The following MAP1B variants were observed in gnomAD, a reference collection of about 807,000 sequenced individuals.
MAP1B encodes the protein microtubule-associated protein 1B.
MAP1B carries 12 observed loss-of-function variants against 176.1 expected under a neutral mutation model. That is an observed-to-expected ratio of 0.07 (90% CI 0.04 to 0.11). The LOEUF is 0.11. Ranked by LOEUF, MAP1B falls within the 10% of genes least tolerant of loss-of-function variation. The probability of loss-of-function intolerance (pLI) is 1.00; values close to 1 mark genes in which losing one functional copy is unlikely to be tolerated. For missense variants in MAP1B, 2,523 were observed against 2,990.5 expected (o/e 0.84, Z 3.65); for synonymous variants, 1,044 against 1,135.0 (o/e 0.92, Z 1.61).
At chr5:72,139,438 A>T (rs1745900830) in intron 2 of MAP1B, among the ~76,000 whole-genome samples, 1 of 152,144 alleles carries the variant, frequency 6.6e-6, no homozygotes. Context: ...CCAGGGCTGG[A>T]TCGTTATTCA....
At chr5:72,150,979 G>A (rs73123349) in intron 2 of MAP1B, among the ~76,000 whole-genome samples, 1,659 of 152,230 alleles carry the variant, frequency 0.011, 23 homozygotes, top group African/African-American at 0.038. Flanking sequence ...GGATAAATGG[G>A]GGTGTCTTGG....
rs150467659 is a variant in MAP1B, at chr5:72,197,106, G to A, written c.3751G>A (p.Val1251Ile). Residue 1251 changes from valine to isoleucine, a missense_variant, in exon 5 of 7, where the codon GTC becomes ATC. This residue lies in a region of MAP1B where 1,925 missense variants were observed against 2,126.0 expected (regional missense o/e 0.91). Coordinates refer to ENST00000296755, the MANE Select transcript of MAP1B (RefSeq NM_005909.5). The part of the protein sequence containing the change: ...DSISAVSSEK[V>I]SPSKSPSLSP... ...CATCTCAGCTGTTTCAAGTGAAAAG[G>A]TCAGCCCATCGAAGAGCCCGTCCCT... 1.2e-6 allele frequency: 2 copies of A among 1,614,078 alleles called. No individual in the cohort carries two copies. The highest frequency in any genetic ancestry group is 1.7e-6 in the Non-Finnish European group (2 of 1,180,052).
chr5:72,163,612 T>G (rs1211718063), intron 2 of MAP1B, among the ~76,000 whole-genome samples: 11 of 152,190 alleles, frequency 7.2e-5, no homozygotes, highest in Admixed American at 5.9e-4. Context: ...TGGTGTGGGA[T>G]AAAGTATGGA....
intron 2 of MAP1B, among the ~76,000 whole-genome samples, chr5:72,174,991 C>CTCCT (rs1340929410): frequency 1.5e-5 from 2 of 129,456 alleles, no homozygotes; most frequent in African/African-American, 5.8e-5. Context: ...CCTTCCCTCC[C>CTCCT]TCCTTCCTTC....
At position 72,206,259 on chromosome 5, in the gene MAP1B, T is replaced by C. The variant is rs1747444176; in HGVS notation, c.*1020T>C. 1 of 152,664 alleles carries C rather than the reference T, an allele frequency of 6.6e-6. No homozygotes were observed. The highest frequency in any genetic ancestry group is 1.9e-4 in the East Asian group (1 of 5,202). 9.5% of individuals were successfully genotyped at this position (152,664 alleles called of 1,614,324 possible). On this transcript the variant is annotated 3_prime_UTR_variant, in exon 7 of 7. Transcript: ENST00000296755. ...AGACAGCAAGTTTATAAAACATCCATATAGGATTATAGATACTTAAAGGAA... is the reference window on the plus strand; with the variant it reads ...AGACAGCAAGTTTATAAAACATCCACATAGGATTATAGATACTTAAAGGAA...
At chr5:72,175,958 GTTT>G (rs1580008222) in intron 2 of MAP1B, among the ~76,000 whole-genome samples, 1 of 152,290 alleles carries the variant, frequency 6.6e-6, no homozygotes, top group Admixed American at 6.5e-5. Flanking sequence ...CTGAACTTGA[GTTT>G]TTTTATTCTC....
In MAP1B at chr5:72,198,129, G is replaced by C; in HGVS notation, c.4774G>C (p.Val1592Leu). ...HSTEVDDSLS[V>L]SVVQTPTTFQ... The stretch of plus-strand genomic sequence containing the variant: ...CACAGAAGTAGATGACTCCCTTTCA[G>C]TGTCTGTTGTGCAAACACCTACCAC... Residue 1592 changes from valine (V) to leucine (L), a missense_variant, in exon 5 of 7, where the codon GTG (valine) becomes CTG (leucine). This residue lies in a region of MAP1B where 1,925 missense variants were observed against 2,126.0 expected (regional missense o/e 0.91). Coordinates refer to ENST00000296755, the MANE Select transcript of MAP1B (RefSeq NM_005909.5). 2.5e-6 allele frequency: 4 copies of C among 1,614,156 alleles called. No individual in the cohort carries two copies. Among genetic ancestry groups the C allele is most frequent in the Non-Finnish European group, 3.4e-6 (4 of 1,180,022 alleles).
chr5:72,193,240 G>A (rs753595194), intron 4 of MAP1B: 3 of 375,804 alleles, frequency 8.0e-6, no homozygotes, highest in South Asian at 3.7e-5. Context: ...CTCCTATGGG[G>A]AAAAACCCAC....
At chr5:72,193,703 T>C (rs748209831) in intron 4 of MAP1B, among the ~76,000 whole-genome samples, 163 bp from the exon 5 acceptor site, 2 of 152,152 alleles carry the variant, frequency 1.3e-5, no homozygotes, top group African/African-American at 4.8e-5. Flanking sequence ...TAGGGAAGTA[T>C]TTCAGCATTT....
At chr5:72,110,156 G>A (rs968048045) in intron 1 of MAP1B, among the ~76,000 whole-genome samples, 10 of 152,140 alleles carry the variant, frequency 6.6e-5, no homozygotes, top group Non-Finnish European at 1.3e-4. Flanking sequence ...TTCACAAAAC[G>A]GACACGCCTG....
At position 72,207,962 on chromosome 5, in the gene MAP1B, C is replaced by CTCT. The variant is rs1561321590; in HGVS notation, c.*2724_*2725insCTT. ...CTCCTCACTTTCTCTCTCTCTCTCT[C>CTCT]TTTTTTTTTTTTTTTTTTTTTGCTA... On this transcript the variant is annotated 3_prime_UTR_variant, in exon 7 of 7. Transcript: ENST00000296755. 4 of 116,002 alleles carry CTCT rather than the reference C, an allele frequency of 3.4e-5. No individual in the cohort carries two copies. Among genetic ancestry groups the CTCT allele is most frequent in the Non-Finnish European group, 5.1e-5 (3 of 58,400 alleles). The allele number at this position is 116,002 out of a possible 1,614,324, so 7.2% of individuals were successfully genotyped here.
In MAP1B at chr5:72,196,967, C is replaced by T; in HGVS notation, c.3612C>T (p.Ala1204=). The T allele has an allele frequency of 1.2e-6, 2 of 1,614,246 alleles. No homozygotes were observed. The highest frequency in any genetic ancestry group is 2.2e-5 in the East Asian group (1 of 44,890). The part of the protein sequence containing the change: ...ATDGKDYNAS[A]STISPPSSME... ...ATGGCAAGGATTACAATGCTTCAGC[C>T]TCTACCATATCACCACCCTCTTCCA... is the stretch of plus-strand genomic sequence containing the variant. The change falls in exon 5 of 7, where the codon GCC becomes GCT. Residue 1204 remains alanine, a synonymous_variant. Transcript: ENST00000296755. The surrounding 1 kb of genome is among the most constrained non-coding windows in gnomAD (Gnocchi z 5.3).
intron 2 of MAP1B, among the ~76,000 whole-genome samples, chr5:72,134,947 C>T (rs993898496): frequency 6.7e-6 from 1 of 149,052 alleles, no homozygotes; most frequent in Non-Finnish European, 1.5e-5. Flanking sequence ...GCTCTTAGTT[C>T]CCTTCCCATA....
intron 2 of MAP1B, among the ~76,000 whole-genome samples, chr5:72,163,755 CT>C: frequency 1.3e-5 from 2 of 152,210 alleles, no homozygotes; most frequent in Admixed American, 1.3e-4. Context: ...CATTATCTTG[CT>C]GTGTGACTTC....
At chr5:72,167,816 C>T (rs1303244091) in intron 2 of MAP1B, among the ~76,000 whole-genome samples, 1 of 152,160 alleles carries the variant, frequency 6.6e-6, no homozygotes, top group African/African-American at 2.4e-5. Context: ...TTCTTTAGAG[C>T]AGTTTTGTAG....
At chr5:72,151,944 T>C (rs1041939297) in intron 2 of MAP1B, among the ~76,000 whole-genome samples, 10 of 152,240 alleles carry the variant, frequency 6.6e-5, no homozygotes, top group Non-Finnish European at 1.5e-4. Flanking sequence ...AGAGAGTTCT[T>C]GTTTCCCCTT....
chr5:72,122,989 C>T (rs1051066388), intron 2 of MAP1B, among the ~76,000 whole-genome samples: 2 of 152,074 alleles, frequency 1.3e-5, no homozygotes, highest in Non-Finnish European at 2.9e-5. Flanking sequence ...AACAGCAAAC[C>T]ATCAAGCAAG....
Position 72,204,346 on chromosome 5 carries a change from G to T in MAP1B, c.7251+545G>T, listed in dbSNP as rs1488265328. Reference sequence around the variant, plus strand: ...CATCCCTTATTTATTTAATGACAGGGTCTCCCTATGTTGCCCAGGCTGGTC... The same window carrying T: ...CATCCCTTATTTATTTAATGACAGGTTCTCCCTATGTTGCCCAGGCTGGTC... On this transcript the variant is annotated intron_variant, in intron 6 of 6. Transcript: ENST00000296755. The surrounding 1 kb of genome is among the most constrained non-coding windows in gnomAD (Gnocchi z 4.4). Among the ~76,000 whole-genome samples, 3 of 152,102 alleles carry T rather than the reference G, an allele frequency of 2.0e-5. No homozygotes were observed. The highest frequency in any genetic ancestry group is 7.2e-5 in the African/African-American group (3 of 41,400).
At chr5:72,135,036 A>G (rs1478273664) in intron 2 of MAP1B, among the ~76,000 whole-genome samples, 3 of 151,364 alleles carry the variant, frequency 2.0e-5, no homozygotes, top group Admixed American at 6.6e-5. Flanking sequence ...GTGGAAGAGT[A>G]TAATTTTTAT....
Sources: allele counts gnomAD v4.1 joint callset (sites outside exome capture counted in the v4.1 genomes callset), GRCh38; gene constraint gnomAD v4.1.1; regional missense constraint gnomAD v4.1.1; non-coding constraint Gnocchi (gnomAD v3.1); transcripts MANE v1.5; gene names NCBI Gene and HGNC (gene_info 2026-07-23, HGNC 2026-07-21).